The following OPCML variants were observed in gnomAD, a reference collection of about 807,000 sequenced individuals.
The protein encoded by OPCML is opioid-binding protein/cell adhesion molecule.
In OPCML, 13 loss-of-function variants were observed where a neutral mutation model predicts 37.8. The ratio of observed to expected loss-of-function variants is 0.34; its 90% CI spans 0.22 to 0.55. OPCML has a LOEUF of 0.55. OPCML is among the 20% of genes least tolerant of loss of function. OPCML has a pLI of 0.91. For missense variants in OPCML, 341 were observed against 435.6 expected, an observed-to-expected ratio of 0.78 and a Z score of 1.93; for synonymous variants, 176 against 168.8, an observed-to-expected ratio of 1.04 and a Z score of -0.33.
At chr11:133,046,321 C>T (rs1379529224) in intron 1 of OPCML, among the ~76,000 whole-genome samples, 1 of 152,184 alleles carries the variant, frequency 6.6e-6, no homozygotes, top group Non-Finnish European at 1.5e-5. Context: ...GAAGCAGTAG[C>T]TCATATTTGA....
At chr11:133,272,066 T>C (rs1941854208) in intron 1 of OPCML, among the ~76,000 whole-genome samples, 1 of 152,086 alleles carries the variant, frequency 6.6e-6, no homozygotes, top group Admixed American at 6.6e-5. Context: ...CAGGGACAAT[T>C]CCTGAAGGAA....
At chr11:133,441,134 A>G (rs1252713299) in intron 1 of OPCML, among the ~76,000 whole-genome samples, 1 of 152,020 alleles carries the variant, frequency 6.6e-6, no homozygotes, top group African/African-American at 2.4e-5. Flanking sequence ...TGTTAGCACA[A>G]ATTATAAACT....
intron 4 of OPCML, among the ~76,000 whole-genome samples, chr11:132,510,679 C>T (rs1370621831): frequency 6.6e-6 from 1 of 152,148 alleles, no homozygotes; most frequent in Non-Finnish European, 1.5e-5. Flanking sequence ...TTGCCTCTTG[C>T]CATGATTCTG....
In OPCML at chr11:132,686,921, G is replaced by A. The variant is rs573108314; in HGVS notation, c.147-29602C>T. On this transcript the variant is annotated intron_variant, in intron 2 of 7. Coordinates refer to ENST00000524381, the MANE Select transcript of OPCML (RefSeq NM_001012393.5). The stretch of plus-strand genomic sequence containing the variant: ...GTGGCACAGAAAACCAGACCTATAA[G>A]CAGAATGTCTGGCTGCTGTGCTGGA... Among the ~76,000 whole-genome samples, 6 of 152,204 alleles carry A rather than the reference G, an allele frequency of 3.9e-5. No homozygotes were observed. The East Asian group carries it at 1.2e-3, about 30-fold the overall frequency.
At chr11:132,596,554 A>T (rs1156554039) in intron 3 of OPCML, among the ~76,000 whole-genome samples, 1 of 152,188 alleles carries the variant, frequency 6.6e-6, no homozygotes, top group Non-Finnish European at 1.5e-5. Flanking sequence ...GACTAGAGCA[A>T]AAACCTCTAA....
At chr11:133,163,418 T>C (rs1243963344) in intron 1 of OPCML, among the ~76,000 whole-genome samples, 3 of 152,106 alleles carry the variant, frequency 2.0e-5, no homozygotes, top group Non-Finnish European at 4.4e-5. Context: ...AGAGTGAAAA[T>C]TGTTCTCTCA....
intron 1 of OPCML, among the ~76,000 whole-genome samples, chr11:133,375,207 C>T (rs1023880852): frequency 6.6e-6 from 1 of 152,206 alleles, no homozygotes; most frequent in African/African-American, 2.4e-5. Context: ...ACTACCGTCT[C>T]ACAACACACA....
chr11:132,924,010 G>A (rs7925821), intron 2 of OPCML, among the ~76,000 whole-genome samples: 4,465 of 151,624 alleles, frequency 0.029, 223 homozygotes, highest in African/African-American at 0.1. Flanking sequence ...TGATCCGCCC[G>A]CCTCGGCCTC....
chr11:133,003,752 T>C lies in OPCML; in HGVS notation c.62-60742A>G. On this transcript the variant is annotated intron_variant, in intron 1 of 7. Transcript: ENST00000524381. ...ATCTGACTTCCTGGAGGCCATGGAA[T>C]AGGCTGAATTCTGAGCAGTGGATTA... 3.0e-6 allele frequency: 3 copies of C among 985,410 alleles called. No homozygotes were observed. In the South Asian group the frequency reaches 1.4e-4, roughly 46 times the overall value. 61.0% of individuals were successfully genotyped at this position (985,410 alleles called of 1,614,324 possible). A position where few individuals can be genotyped will look rare whatever the true frequency, so the allele number is the denominator to read the frequency against.
At chr11:132,941,534 G>A (rs1365446491) in intron 2 of OPCML, among the ~76,000 whole-genome samples, 4 of 152,166 alleles carry the variant, frequency 2.6e-5, no homozygotes, top group African/African-American at 9.7e-5. Context: ...ATGCGTATTG[G>A]GAAATGTTCC....
rs148175563 is a variant in OPCML at position 132,744,017 on chromosome 11, G to A, written c.147-86698C>T. Reference sequence around the variant, plus strand: ...TGCGTACCTACTCTAATCATCTCATGCTAAGTGATCCTTGGCATTTGTGTC... The same window carrying A: ...TGCGTACCTACTCTAATCATCTCATACTAAGTGATCCTTGGCATTTGTGTC... On this transcript the variant is annotated intron_variant, in intron 2 of 7. Coordinates refer to ENST00000524381, the MANE Select transcript of OPCML (RefSeq NM_001012393.5). Among the ~76,000 whole-genome samples the A allele has an allele frequency of 1.2e-4, 19 of 152,296 alleles. No individual in the cohort carries two copies. In the East Asian group the frequency reaches 3.5e-3, roughly 28 times the overall value.
rs554929829 is a variant in OPCML, at chr11:132,991,676, A to T, written c.62-48666T>A. On this transcript the variant is annotated intron_variant, in intron 1 of 7. Transcript: ENST00000524381. ...AGCCCAGGCCTTCAACACAGCCCTA[A>T]AACAGAAGATACAGAAACAGCCACA... Among the ~76,000 whole-genome samples the T allele has an allele frequency of 1.3e-3, 201 of 152,300 alleles. 3 individuals are homozygous for T. The highest frequency in any genetic ancestry group is 6.8e-3 in the Middle Eastern group (2 of 294).
rs549875184 is a variant in OPCML, at chr11:133,245,996, A to T, written c.61+286268T>A. Reference sequence around the variant, plus strand: ...GCTGGGGGTCAAGGGGAGGGAGAGCATTAGGACAATGCATGTGGGGCTTAA... The same window carrying T: ...GCTGGGGGTCAAGGGGAGGGAGAGCTTTAGGACAATGCATGTGGGGCTTAA... On this transcript the variant is annotated intron_variant, in intron 1 of 7. Transcript: ENST00000524381. Among the ~76,000 whole-genome samples, 7 of 152,246 alleles carry T rather than the reference A, an allele frequency of 4.6e-5. No individual in the cohort carries two copies. The East Asian group carries it at 1.4e-3, about 29-fold the overall frequency.
intron 1 of OPCML, among the ~76,000 whole-genome samples, chr11:133,434,946 G>C (rs183463528): frequency 6.6e-6 from 1 of 150,890 alleles, no homozygotes; most frequent in Non-Finnish European, 1.5e-5. Context: ...AGACATGAAA[G>C]GTCCACCATA....
At chr11:132,571,779 T>C (rs995996105) in intron 3 of OPCML, among the ~76,000 whole-genome samples, 1 of 152,206 alleles carries the variant, frequency 6.6e-6, no homozygotes, top group Non-Finnish European at 1.5e-5. Flanking sequence ...TTCTTTTGAA[T>C]ATATACTCAG....
intron 4 of OPCML, among the ~76,000 whole-genome samples, chr11:132,470,292 G>T (rs1370162319): frequency 6.6e-6 from 1 of 152,004 alleles, no homozygotes; most frequent in Non-Finnish European, 1.5e-5. Flanking sequence ...GATGAGTTCT[G>T]GGGGTAAGGA....
intron 1 of OPCML, among the ~76,000 whole-genome samples, chr11:133,181,553 C>A (rs751897278): frequency 5.9e-5 from 9 of 152,112 alleles, no homozygotes; most frequent in Admixed American, 1.3e-4. Flanking sequence ...CAAAACCAAA[C>A]TCCAGGGTGA....
At chr11:132,640,635 T>C (rs1033275637) in intron 3 of OPCML, among the ~76,000 whole-genome samples, 1 of 152,212 alleles carries the variant, frequency 6.6e-6, no homozygotes, top group Non-Finnish European at 1.5e-5. Context: ...TCTGTTCATA[T>C]AGAGGGAAAG....
chr11:132,567,423 T>C (rs1214547504), intron 3 of OPCML, among the ~76,000 whole-genome samples: 1 of 152,182 alleles, frequency 6.6e-6, no homozygotes, highest in East Asian at 1.9e-4. Context: ...TTTGTCACCA[T>C]GTCACAAGGT....
Sources: allele counts gnomAD v4.1 joint callset (sites outside exome capture counted in the v4.1 genomes callset), GRCh38; gene constraint gnomAD v4.1.1; transcripts MANE v1.5; gene names NCBI Gene and HGNC (gene_info 2026-07-23, HGNC 2026-07-21).